The following ROBO2 variants were observed in gnomAD, a reference collection of about 807,000 sequenced individuals.
ROBO2 encodes roundabout homolog 2.
In ROBO2, 53 loss-of-function variants were observed where a neutral mutation model predicts 160.8. The ratio of observed to expected loss-of-function variants is 0.33; its 90% CI spans 0.26 to 0.41. The LOEUF (loss-of-function observed/expected upper bound fraction) is 0.41, where lower values mean the gene tolerates loss of function less well. ROBO2 is among the 10% of genes least tolerant of loss of function. ROBO2 has a pLI of 1.00. For missense variants in ROBO2, 1,577 were observed against 1,722.4 expected (o/e 0.92, Z 1.49); for synonymous variants, 664 against 611.7 (o/e 1.09, Z -1.26).
At chr3:77,433,520 T>TA (rs1560820593) in intron 2 of ROBO2, among the ~76,000 whole-genome samples, 2 of 83,988 alleles carry the variant, frequency 2.4e-5, no homozygotes, top group African/African-American at 4.0e-5. Context: ...ATATATATAT[T>TA]TCTCCTTCAT....
At chr3:77,285,767 G>A (rs942573818) in intron 2 of ROBO2, among the ~76,000 whole-genome samples, 25 of 151,276 alleles carry the variant, frequency 1.7e-4, no homozygotes, top group African/African-American at 5.8e-4. Context: ...ATGAAGACAA[G>A]GCAAAACAAA....
At chr3:76,691,117 T>C (rs1244470305) in intron 2 of ROBO2, among the ~76,000 whole-genome samples, 10 of 152,124 alleles carry the variant, frequency 6.6e-5, no homozygotes, top group African/African-American at 1.2e-4. Flanking sequence ...GATTAGATCA[T>C]GAGGGGTCTG....
intron 2 of ROBO2, among the ~76,000 whole-genome samples, chr3:76,335,104 A>C (rs1292552304): frequency 6.6e-6 from 1 of 151,724 alleles, no homozygotes; most frequent in African/African-American, 2.4e-5. Context: ...TCCTGGACTC[A>C]AGTACTCTCA....
At chr3:77,102,064 A>G (rs925363214) in intron 2 of ROBO2, among the ~76,000 whole-genome samples, 4 of 152,164 alleles carry the variant, frequency 2.6e-5, no homozygotes, top group African/African-American at 9.7e-5. Flanking sequence ...CAAGAGTACT[A>G]AACATGGTTG....
At chr3:76,891,526 C>G (rs2074342684) in intron 2 of ROBO2, among the ~76,000 whole-genome samples, 1 of 152,012 alleles carries the variant, frequency 6.6e-6, no homozygotes, top group African/African-American at 2.4e-5. Context: ...AGTATAATGA[C>G]AGGTGTGGTG....
At chr3:77,634,226 A>C (rs1314946345) in intron 23 of ROBO2, 1 of 153,038 alleles carries the variant, frequency 6.5e-6, no homozygotes, top group Non-Finnish European at 1.5e-5. Flanking sequence ...AATATTAATC[A>C]GAAAATACCT....
chr3:76,909,666 T>C (rs2075843443), intron 2 of ROBO2, among the ~76,000 whole-genome samples: 1 of 152,226 alleles, frequency 6.6e-6, no homozygotes, highest in Non-Finnish European at 1.5e-5. Context: ...AAATTGACAT[T>C]TTAACCTAGA....
chr3:76,851,884 G>A (rs3883885), intron 2 of ROBO2, among the ~76,000 whole-genome samples: 120,250 of 151,788 alleles, frequency 0.79, 47,967 homozygotes, highest in East Asian at 0.86. Flanking sequence ...TCTGAAGGTT[G>A]GAAGAATTGG....
intron 2 of ROBO2, among the ~76,000 whole-genome samples, chr3:76,214,783 A>G (rs1490429698): frequency 6.6e-6 from 1 of 152,204 alleles, no homozygotes; most frequent in African/African-American, 2.4e-5. Context: ...GCAGACTTAA[A>G]TGTCTCTGTC....
At chr3:77,497,351 A>G (rs76145467) in intron 5 of ROBO2, among the ~76,000 whole-genome samples, 3 of 152,126 alleles carry the variant, frequency 2.0e-5, no homozygotes, top group Admixed American at 6.5e-5. Flanking sequence ...TATAGTTTAT[A>G]ATGATTATGA....
intron 2 of ROBO2, among the ~76,000 whole-genome samples, chr3:75,978,554 T>A (rs982487448): frequency 8.6e-5 from 13 of 151,542 alleles, no homozygotes; most frequent in African/African-American, 2.9e-4. Flanking sequence ...ATAAAAAAGC[T>A]GTCTGAAAAT....
intron 2 of ROBO2, among the ~76,000 whole-genome samples, chr3:76,455,970 ACT>A (rs1200968967): frequency 6.6e-6 from 1 of 151,984 alleles, no homozygotes; most frequent in African/African-American, 2.4e-5. Context: ...TTTCAGCTTG[ACT>A]CTATGAATAC....
At chr3:76,892,459 C>T (rs754120612) in intron 2 of ROBO2, among the ~76,000 whole-genome samples, 1 of 152,144 alleles carries the variant, frequency 6.6e-6, no homozygotes, top group Non-Finnish European at 1.5e-5. Flanking sequence ...TTACTGTCAG[C>T]CCATCTAGTG....
intron 2 of ROBO2, among the ~76,000 whole-genome samples, chr3:76,219,940 A>G (rs1703846343): frequency 1.3e-5 from 2 of 152,126 alleles, no homozygotes; most frequent in African/African-American, 4.8e-5. Context: ...ATGTCCAACA[A>G]TGATAGACTG....
chr3:77,040,052 CTCCCTCCCTCCCTCCCTCCCTCGCTCCT>C lies in ROBO2; in HGVS notation c.-728_-701del. On this transcript the variant is annotated 5_prime_UTR_variant, in exon 1 of 26. Coordinates refer to ENST00000461745, the Ensembl canonical transcript of ROBO2. The stretch of plus-strand genomic sequence containing the variant: ...TGCAGCCTCGGCCTCCGCCCGGCCC[CTCCCTCCCTCCCTCCCTCCCTCGCTCCT>C]TCCCTGCCTCCCTCACCACGTAGGA... 6.5e-6 allele frequency: 1 copy of C among 154,040 alleles called. No individual in the cohort carries two copies. Among genetic ancestry groups the C allele is most frequent in the Non-Finnish European group, 1.4e-5 (1 of 70,602 alleles). 9.5% of individuals were successfully genotyped at this position (154,040 alleles called of 1,614,324 possible).
At position 77,622,214 on chromosome 3, in the gene ROBO2, A is replaced by C. The variant is rs1269161699; in HGVS notation, c.3555-13A>C. The C allele has an allele frequency of 1.9e-6, 3 of 1,609,652 alleles. No homozygotes were observed. The African/African-American group carries it at 4.0e-5, about 22-fold the overall frequency. On this transcript the variant is annotated splice_polypyrimidine_tract_variant and intron_variant, in intron 22 of 25. Coordinates refer to ENST00000461745, the Ensembl canonical transcript of ROBO2. ...AAGTTGCTTTTCTTTTTTAAATTTC[A>C]TTTGAATTCTAGGCACATTCAAAGC...
intron 2 of ROBO2, among the ~76,000 whole-genome samples, chr3:76,552,871 G>A (rs1039120186): frequency 6.6e-6 from 1 of 152,176 alleles, no homozygotes; most frequent in African/African-American, 2.4e-5. Context: ...TTTGGAAACA[G>A]ATCATGACAG....
At chr3:77,435,691 C>A (rs1160142217) in intron 2 of ROBO2, among the ~76,000 whole-genome samples, 2 of 151,690 alleles carry the variant, frequency 1.3e-5, no homozygotes, top group Admixed American at 1.3e-4. Flanking sequence ...TATATTGATT[C>A]CATCTGACAA....
At chr3:77,020,520 AT>A (rs534009730) in intron 2 of ROBO2, among the ~76,000 whole-genome samples, 143 of 152,318 alleles carry the variant, frequency 9.4e-4, no homozygotes, top group Non-Finnish European at 1.6e-3. Flanking sequence ...TTAGAAAAAA[AT>A]GTTCATGCCA....
Sources: allele counts gnomAD v4.1 joint callset (sites outside exome capture counted in the v4.1 genomes callset), GRCh38; gene constraint gnomAD v4.1.1; transcripts MANE v1.5; gene names NCBI Gene and HGNC (gene_info 2026-07-23, HGNC 2026-07-21).